WAC: variants seen among roughly 807,000 people sequenced by gnomAD.
WAC encodes the protein WW domain-containing adapter protein with coiled-coil.
In WAC, 11 loss-of-function variants were observed where a neutral mutation model predicts 79.6. That is an observed-to-expected ratio of 0.14 (90% CI 0.09 to 0.23). The LOEUF (loss-of-function observed/expected upper bound fraction) is 0.23, where lower values mean the gene tolerates loss of function less well. Ranked by LOEUF, WAC falls within the 10% of genes least tolerant of loss-of-function variation. WAC has a pLI of 1.00. For synonymous variants in WAC, 304 were observed against 276.9 expected, an observed-to-expected ratio of 1.10 and a Z score of -0.97; for missense variants, 728 against 773.5, an observed-to-expected ratio of 0.94 and a Z score of 0.70.
Position 28,560,379 on chromosome 10 carries a change from G to A in WAC, c.275-23020G>A, listed in dbSNP as rs117403434. Among the ~76,000 whole-genome samples the A allele has an allele frequency of 1.5e-3, 227 of 152,134 alleles. 2 individuals are homozygous for A. The highest frequency in any genetic ancestry group is 4.6e-3 in the South Asian group (22 of 4,810). ...CTGTCGGGAGTTAGGAGTGTGTGTGGGGGGCACGATTTTAAGCCGAAGCAG... is the reference window on the plus strand; with the variant it reads ...CTGTCGGGAGTTAGGAGTGTGTGTGAGGGGCACGATTTTAAGCCGAAGCAG... On this transcript the variant is annotated intron_variant, in intron 3 of 13. Coordinates refer to ENST00000354911, the MANE Select transcript of WAC (RefSeq NM_016628.5).
chr10:28,557,485 CAG>C (rs1367206153), intron 3 of WAC, among the ~76,000 whole-genome samples: 2 of 152,022 alleles, frequency 1.3e-5, no homozygotes, highest in African/African-American at 4.8e-5. Context: ...CACCTGAAGT[CAG>C]GTGTTCAAGA....
In WAC at chr10:28,611,521, C is replaced by T. The variant is rs1174285738; in HGVS notation, c.1289-253C>T. The stretch of plus-strand genomic sequence containing the variant: ...CATGTGAGATTAGGTTCAGGCCTAG[C>T]TTCCTGTTCCAGCCACATAAAGGAG... On this transcript the variant is annotated intron_variant, in intron 9 of 13. Coordinates refer to ENST00000354911, the MANE Select transcript of WAC (RefSeq NM_016628.5). 4 of 1,377,588 alleles carry T rather than the reference C, an allele frequency of 2.9e-6. No individual in the cohort carries two copies. In the Admixed American group the frequency reaches 7.8e-5, roughly 27 times the overall value. The allele number at this position is 1,377,588 out of a possible 1,614,324, so 85.3% of individuals were successfully genotyped here. A position where few individuals can be genotyped will look rare whatever the true frequency, so the allele number is the denominator to read the frequency against.
chr10:28,559,138 G>A (rs1401442843), intron 3 of WAC, among the ~76,000 whole-genome samples: 7 of 86,908 alleles, frequency 8.1e-5, no homozygotes, highest in South Asian at 3.5e-4. Flanking sequence ...GAAACCTGAT[G>A]TGTGTGTGTG....
intron 8 of WAC, 136 bp downstream of exon 8, chr10:28,608,567 T>C: frequency 9.5e-7 from 1 of 1,050,162 alleles, no homozygotes. Flanking sequence ...GTTTTGTTTT[T>C]TGTTTTTGGA....
At chr10:28,558,095 TTA>T (rs1838096676) in intron 3 of WAC, among the ~76,000 whole-genome samples, 1 of 152,072 alleles carries the variant, frequency 6.6e-6, no homozygotes, top group Non-Finnish European at 1.5e-5. Flanking sequence ...GAAAATACTC[TTA>T]GAGTCACTTG....
chr10:28,551,792 G>GTGTGTGTGTA (rs1192743771), intron 3 of WAC, among the ~76,000 whole-genome samples: 1 of 142,426 alleles, frequency 7.0e-6, no homozygotes, highest in Non-Finnish European at 1.5e-5. Flanking sequence ...ACTTGTGTGT[G>GTGTGTGTGTA]TGTGTGTGTG....
chr10:28,601,661 AT>A (rs1373966266), intron 7 of WAC, among the ~76,000 whole-genome samples: 1 of 152,228 alleles, frequency 6.6e-6, no homozygotes, highest in Non-Finnish European at 1.5e-5. Flanking sequence ...TCAAGTGTTC[AT>A]TAGCAGATGA....
intron 3 of WAC, among the ~76,000 whole-genome samples, chr10:28,569,664 C>G (rs1257162235): frequency 1.3e-5 from 2 of 152,064 alleles, no homozygotes; most frequent in Non-Finnish European, 2.9e-5. Context: ...AGAGCTGTGG[C>G]TGGGCAAGGA....
intron 3 of WAC, among the ~76,000 whole-genome samples, chr10:28,574,981 A>G (rs1453535425): frequency 3.5e-5 from 5 of 141,836 alleles, no homozygotes; most frequent in Admixed American, 2.8e-4. Context: ...AAAAAGTTAC[A>G]TTAATGGTAC....
At position 28,614,648 on chromosome 10, in the gene WAC, C is replaced by A; in HGVS notation, c.1519C>A (p.His507Asn). ...QPVTADKQQG[H>N]EPVSPRSLQR... The stretch of plus-strand genomic sequence containing the variant: ...TGTAACTGCTGACAAGCAGCAAGGT[C>A]ATGAACCTGTCTCTCCTCGAAGTCT... Residue 507 changes from histidine to asparagine, a missense_variant, in exon 11 of 14, where the codon CAT (histidine) becomes AAT (asparagine). This residue lies in a region of WAC where 648 missense variants were observed against 661.5 expected (regional missense o/e 0.98). Transcript: ENST00000354911. 2 of 1,614,158 alleles carry A rather than the reference C, an allele frequency of 1.2e-6. No homozygotes were observed. Among genetic ancestry groups the A allele is most frequent in the Non-Finnish European group, 1.7e-6 (2 of 1,179,994 alleles).
At chr10:28,618,117 G>T (rs1218113860) in intron 13 of WAC, 1 of 178,846 alleles carries the variant, frequency 5.6e-6, no homozygotes, top group Non-Finnish European at 1.2e-5. Flanking sequence ...CAGATTATTT[G>T]TCCTTGCATC....
intron 3 of WAC, among the ~76,000 whole-genome samples, chr10:28,581,819 C>T (rs986420483): frequency 6.6e-6 from 1 of 152,174 alleles, no homozygotes; most frequent in Non-Finnish European, 1.5e-5. Context: ...GCCTCGGCCT[C>T]CCAAAGTGTT....
chr10:28,590,045 G>A (rs537006512), intron 5 of WAC, among the ~76,000 whole-genome samples, 194 bp downstream of exon 5: 1 of 152,188 alleles, frequency 6.6e-6, no homozygotes, highest in South Asian at 2.1e-4. Context: ...ACCTGGCTGG[G>A]TGCAGTGGCT....
chr10:28,538,332 A>C (rs1257746171), intron 3 of WAC: 1 of 333,914 alleles, frequency 3.0e-6, no homozygotes, highest in East Asian at 1.1e-4. Flanking sequence ...CCGGAATCTC[A>C]GCACTTTGGG....
intron 5 of WAC, among the ~76,000 whole-genome samples, 155 bp downstream of exon 5, chr10:28,590,006 T>C (rs900822577): frequency 1.3e-5 from 2 of 152,170 alleles, no homozygotes; most frequent in Middle Eastern, 3.2e-3. Flanking sequence ...GTGTTTTCCA[T>C]AGTTTGTCTT....
At chr10:28,617,106 T>G (rs1055176332) in intron 12 of WAC, among the ~76,000 whole-genome samples, 2 of 152,082 alleles carry the variant, frequency 1.3e-5, no homozygotes, top group Non-Finnish European at 2.9e-5. Context: ...AAAACCCCAC[T>G]TAATTTTCTA....
intron 3 of WAC, among the ~76,000 whole-genome samples, chr10:28,543,261 A>G (rs1589129650): frequency 6.6e-6 from 1 of 152,248 alleles, no homozygotes; most frequent in South Asian, 2.1e-4. Flanking sequence ...ACAAATGCAA[A>G]CCATATGTGT....
At chr10:28,557,902 G>A (rs963977531) in intron 3 of WAC, among the ~76,000 whole-genome samples, 8 of 151,840 alleles carry the variant, frequency 5.3e-5, no homozygotes, top group African/African-American at 1.2e-4. Context: ...GTGAAACCTC[G>A]TCTCTACTAA....
chr10:28,603,932 T>A (rs1840764643), intron 7 of WAC, among the ~76,000 whole-genome samples: 1 of 27,612 alleles, frequency 3.6e-5, no homozygotes, highest in African/African-American at 1.9e-4. Flanking sequence ...AGACTCCGTC[T>A]CAAAAAAAAA....
Sources: gnomAD v4.1 joint callset for allele counts (sites outside exome capture counted in the v4.1 genomes callset) on GRCh38, gnomAD v4.1.1 for gene constraint, gnomAD v4.1.1 regional missense constraint, MANE v1.5 for transcripts, NCBI Gene and HGNC (gene_info 2026-07-23, HGNC 2026-07-21) for gene names.